The following KCNH3 variants were observed in gnomAD, a reference collection of about 807,000 sequenced individuals.
KCNH3 encodes voltage-gated inwardly rectifying potassium channel KCNH3.
KCNH3 carries 36 observed loss-of-function variants against 95.6 expected under a neutral mutation model. The observed-to-expected ratio is 0.38, with a 90% confidence interval of 0.29 to 0.50. The LOEUF is 0.50. KCNH3 is among the 20% of genes least tolerant of loss of function. The probability of loss-of-function intolerance (pLI) is 0.95; values close to 1 mark genes in which losing one functional copy is unlikely to be tolerated. For missense variants in KCNH3, 1,030 were observed against 1,484.1 expected (o/e 0.69, Z 5.03); for synonymous variants, 620 against 646.3 (o/e 0.96, Z 0.62).
Position 49,542,760 on chromosome 12 carries a change from G to A in KCNH3, c.500G>A (p.Arg167Gln), listed in dbSNP as rs758524435. ...RARSKGFNAN[R>Q]RRSRAVLYHL... ...CGATCCAAAGGCTTCAATGCCAACCGGCGGCGGAGCCGGGCCGTGCTCTAC... is the reference window on the plus strand; with the variant it reads ...CGATCCAAAGGCTTCAATGCCAACCAGCGGCGGAGCCGGGCCGTGCTCTAC... The change falls in exon 4 of 15, where the codon CGG becomes CAG. Residue 167 changes from arginine to glutamine, a missense_variant. By Grantham distance (43) the Arg-to-Gln change is conservative. Around this residue, in one of 9 missense-constraint regions of KCNH3, gnomAD observed 92 missense variants for 92.7 expected, o/e 0.99. Coordinates refer to ENST00000257981, the MANE Select transcript of KCNH3 (RefSeq NM_012284.3). The A allele has an allele frequency of 1.1e-5, 17 of 1,592,358 alleles. No individual in the cohort carries two copies. Among genetic ancestry groups the A allele is most frequent in the Non-Finnish European group, 1.0e-5 (12 of 1,170,626 alleles).
intron 5 of KCNH3, 57 bp downstream of exon 5, chr12:49,543,575 G>A (rs1240176483): frequency 6.4e-7 from 1 of 1,566,058 alleles, no homozygotes; most frequent in Admixed American, 1.7e-5. Context: ...GGGCTTTGCT[G>A]GGGATAGTCC....
In KCNH3 at chr12:49,539,636, A is replaced by G. The variant is rs536020587; in HGVS notation, c.76+144A>G. ...ACCCGCCCCTCTTGAGGCTGGGGCCATCGTCTCCTGCTAGGCGCTGTTTCC... is the reference window on the plus strand; with the variant it reads ...ACCCGCCCCTCTTGAGGCTGGGGCCGTCGTCTCCTGCTAGGCGCTGTTTCC... On this transcript the variant is annotated intron_variant, in intron 1 of 14. Transcript: ENST00000257981. This position sits in a 1 kb window ranked among gnomAD's most constrained non-coding sequence, Gnocchi z 6.7. 67 of 690,302 alleles carry G rather than the reference A, an allele frequency of 9.7e-5. 2 individuals are homozygous for G. The Admixed American group carries it at 1.3e-3, about 14-fold the overall frequency. The allele number at this position is 690,302 out of a possible 1,614,324, so 42.8% of individuals were successfully genotyped here. A position where few individuals can be genotyped will look rare whatever the true frequency, so the allele number is the denominator to read the frequency against.
intron 13 of KCNH3, 176 bp downstream of exon 13, chr12:49,556,652 AG>A: frequency 2.8e-6 from 2 of 703,712 alleles, no homozygotes; most frequent in Non-Finnish European, 2.6e-6. Context: ...GGTGAAGACC[AG>A]CACTTTAATT....
rs1435065973 is a variant in KCNH3, at chr12:49,543,386, A to C, written c.691A>C (p.Ile231Leu). 2.5e-6 allele frequency: 4 copies of C among 1,612,240 alleles called. No homozygotes were observed. The Admixed American group carries it at 6.7e-5, about 27-fold the overall frequency. ...ACTGAGAGCCACCTGGGATGGCTTC[A>C]TCCTGCTCGCCACACTCTATGTGGC... Reference protein sequence around the residue: ...GALRATWDGFILLATLYVAVT... With the variant: ...GALRATWDGFLLLATLYVAVT... Residue 231 changes from isoleucine (I) to leucine (L), a missense_variant, in exon 5 of 15, where the codon ATC becomes CTC. This residue lies in a region of KCNH3 where 153 missense variants were observed against 288.5 expected (regional missense o/e 0.53). Transcript: ENST00000257981.
chr12:49,543,619 G>A (rs1000522784), intron 5 of KCNH3, 101 bp downstream of exon 5: 124 of 1,438,160 alleles, frequency 8.6e-5, no homozygotes, highest in Middle Eastern at 2.5e-4. Context: ...TGCCCCCCTC[G>A]CTCTCTCTCA....
intron 5 of KCNH3, 116 bp from the exon 6 acceptor site, chr12:49,543,799 A>G: frequency 7.4e-7 from 1 of 1,354,148 alleles, no homozygotes; most frequent in African/African-American, 1.4e-5. Flanking sequence ...GAGAACTAAG[A>G]CGATGTATGG....
intron 6 of KCNH3, 41 bp downstream of exon 6, chr12:49,544,113 G>A (rs1592499831): frequency 1.2e-6 from 2 of 1,606,084 alleles, no homozygotes; most frequent in East Asian, 4.5e-5. Flanking sequence ...GGCTTGGCCA[G>A]GGGACAGGCA....
At chr12:49,551,096 G>C (rs1938241282) in intron 10 of KCNH3, among the ~76,000 whole-genome samples, 2 of 152,216 alleles carry the variant, frequency 1.3e-5, no homozygotes, top group Non-Finnish European at 2.9e-5. Context: ...CGGCCAGCCG[G>C]GGCTGGAGCC....
intron 5 of KCNH3, 42 bp downstream of exon 5, chr12:49,543,560 C>T (rs1335141919): frequency 8.9e-6 from 14 of 1,574,198 alleles, no homozygotes; most frequent in Non-Finnish European, 8.6e-7. Flanking sequence ...TTTGCTGGCG[C>T]CCTGGGGCTT....
At position 49,550,068 on chromosome 12, in the gene KCNH3, G is replaced by A; in HGVS notation, c.1669-12G>A. 1.2e-6 allele frequency: 1 copy of A among 830,424 alleles called. No individual in the cohort carries two copies. The highest frequency in any genetic ancestry group is 1.8e-6 in the Non-Finnish European group (1 of 550,854). 51.4% of individuals were successfully genotyped at this position (830,424 alleles called of 1,614,324 possible). ...TCCCAACCCCCCCACCCCCGCACCT[G>A]CTCACCTGCAGCTGCTGCAGAGCCT... On this transcript the variant is annotated splice_polypyrimidine_tract_variant and intron_variant, in intron 9 of 14. Coordinates refer to ENST00000257981, the MANE Select transcript of KCNH3 (RefSeq NM_012284.3).
chr12:49,557,697 A>G lies in KCNH3; in HGVS notation c.2996A>G (p.Asp999Gly). 2 of 1,613,438 alleles carry G rather than the reference A, an allele frequency of 1.2e-6. No homozygotes were observed. The highest frequency in any genetic ancestry group is 4.5e-5 in the East Asian group (2 of 44,830). Residue 999 changes from aspartate (D) to glycine (G), a missense_variant, in exon 15 of 15, where the codon GAC (aspartate) becomes GGC (glycine). Transcript: ENST00000257981. Reference sequence around the variant, plus strand: ...ACAGCTTTCTGGACCTCCACCTCAGACTCAGAGCCCCCTGCCTCAGGAGAC... The same window carrying G: ...ACAGCTTTCTGGACCTCCACCTCAGGCTCAGAGCCCCCTGCCTCAGGAGAC... ...RATAFWTSTS[D>G]SEPPASGDLC...
chr12:49,555,998 T>C, intron 12 of KCNH3, 47 bp downstream of exon 12: 2 of 945,698 alleles, frequency 2.1e-6, no homozygotes, highest in Non-Finnish European at 3.2e-6. Context: ...GTGATGAGGC[T>C]GAGGCCCTGG....
In KCNH3 at chr12:49,541,655, T is replaced by A. The variant is rs1457621194; in HGVS notation, c.336T>A (p.Asp112Glu). 6.2e-7 allele frequency: 1 copy of A among 1,614,200 alleles called. No individual in the cohort carries two copies. Among genetic ancestry groups the A allele is most frequent in the East Asian group, 2.2e-5 (1 of 44,886 alleles). The stretch of plus-strand genomic sequence containing the variant: ...GGCTCCCGTTCTGGTGTCTCCTGGA[T>A]GTGATACCCATAAAGAATGAGAAAG... ...KSGLPFWCLL[D>E]VIPIKNEKGE... The change falls in exon 3 of 15, where the codon GAT (aspartate) becomes GAA (glutamate). Residue 112 changes from aspartate (D) to glutamate (E), a missense_variant. Coordinates refer to ENST00000257981, the MANE Select transcript of KCNH3 (RefSeq NM_012284.3).
chr12:49,543,317 G>A lies in KCNH3; in HGVS notation c.622G>A (p.Ala208Thr), dbSNP rs771528862. Residue 208 changes from alanine to threonine, a missense_variant, in exon 5 of 15, where the codon GCC (alanine) becomes ACC (threonine). Transcript: ENST00000257981. ...EKPNLPEYKV[A>T]AIRKSPFILL... ...ACCAAACTTGCCTGAGTACAAAGTAGCCGCCATCCGGAAGTCGCCCTTCAT... is the reference window on the plus strand; with the variant it reads ...ACCAAACTTGCCTGAGTACAAAGTAACCGCCATCCGGAAGTCGCCCTTCAT... 3.1e-6 allele frequency: 5 copies of A among 1,613,786 alleles called. No individual in the cohort carries two copies. Among genetic ancestry groups the A allele is most frequent in the Non-Finnish European group, 4.2e-6 (5 of 1,180,028 alleles).
chr12:49,556,222 AG>A, intron 12 of KCNH3, 147 bp from the exon 13 acceptor site: 2 of 673,936 alleles, frequency 3.0e-6, no homozygotes, highest in East Asian at 2.5e-5. Context: ...TCCTAGGGGA[AG>A]GGACCCCATG....
Position 49,557,407 on chromosome 12 carries a change from T to C in KCNH3, c.2706T>C (p.Leu902=), listed in dbSNP as rs770031167. 1 of 1,601,090 alleles carries C rather than the reference T, an allele frequency of 6.2e-7. No individual in the cohort carries two copies. Among genetic ancestry groups the C allele is most frequent in the Non-Finnish European group, 8.5e-7 (1 of 1,171,670 alleles). Residue 902 remains leucine (L), a synonymous_variant, in exon 15 of 15, where the codon CTT becomes CTC. Coordinates refer to ENST00000257981, the MANE Select transcript of KCNH3 (RefSeq NM_012284.3). ...AGATGCGGGAAGGACTGCAGTCACT[T>C]CGCCAGGCTGTGCAGCTTGTCCTGG... ...VLQMREGLQS[L]RQAVQLVLAP...
chr12:49,544,141 T>TGCCGGC, intron 6 of KCNH3, 34 bp from the exon 7 acceptor site: 1 of 1,413,414 alleles, frequency 7.1e-7, no homozygotes, highest in Non-Finnish European at 9.7e-7. Context: ...CCCGCTGACC[T>TGCCGGC]CCCTCCCTCC....
In KCNH3 at chr12:49,539,970, G is replaced by A. The variant is rs1196266454; in HGVS notation, c.76+478G>A. 6.6e-6 allele frequency among the ~76,000 whole-genome samples: 1 copy of A among 152,182 alleles called. No individual in the cohort carries two copies. Among genetic ancestry groups the A allele is most frequent in the South Asian group, 2.1e-4 (1 of 4,826 alleles). Reference sequence around the variant, plus strand: ...GGAGAGCACCGTGTGTCCAAGCCCCGTGTCTCATAGCCTGAACCCCCTAGA... The same window carrying A: ...GGAGAGCACCGTGTGTCCAAGCCCCATGTCTCATAGCCTGAACCCCCTAGA... On this transcript the variant is annotated intron_variant, in intron 1 of 14. Transcript: ENST00000257981. This position sits in a 1 kb window ranked among gnomAD's most constrained non-coding sequence, Gnocchi z 6.7.
chr12:49,541,136 A>AG lies in KCNH3; in HGVS notation c.310+8dup, dbSNP rs1429381926. On this transcript the variant is annotated splice_donor_region_variant and intron_variant, in intron 2 of 14. Transcript: ENST00000257981. Reference sequence around the variant, plus strand: ...CTGATCCTGTACCGGAAGAGCGGTGAGGGGCCACCTGGCCAGCCTGCCTCA... The same window carrying AG: ...CTGATCCTGTACCGGAAGAGCGGTGAGGGGGCCACCTGGCCAGCCTGCCTCA... 2 of 1,596,614 alleles carry AG rather than the reference A, an allele frequency of 1.3e-6. No individual in the cohort carries two copies. The highest frequency in any genetic ancestry group is 4.5e-5 in the East Asian group (2 of 44,698).
Sources: gnomAD v4.1 joint callset for allele counts (sites outside exome capture counted in the v4.1 genomes callset) on GRCh38, gnomAD v4.1.1 for gene constraint, gnomAD v4.1.1 regional missense constraint, Gnocchi (gnomAD v3.1) non-coding constraint, MANE v1.5 for transcripts, NCBI Gene and HGNC (gene_info 2026-07-23, HGNC 2026-07-21) for gene names.